NTN1: variants seen among roughly 807,000 people sequenced by gnomAD.
NTN1 encodes netrin-1.
Under a neutral mutation model 54.2 loss-of-function variants are expected in NTN1, and 11 were observed. That is an observed-to-expected ratio of 0.20 (90% CI 0.13 to 0.34). The LOEUF (loss-of-function observed/expected upper bound fraction) is 0.34. Among genes scored for constraint, NTN1 ranks in the 10% least tolerant of loss-of-function variants. NTN1 has a pLI of 1.00. For synonymous variants in NTN1, 371 were observed against 382.0 expected, an observed-to-expected ratio of 0.97 and a Z score of 0.33; for missense variants, 740 against 893.1, an observed-to-expected ratio of 0.83 and a Z score of 2.18.
intron 2 of NTN1, among the ~76,000 whole-genome samples, chr17:9,085,414 C>G (rs1447806894): frequency 6.6e-6 from 1 of 152,212 alleles, no homozygotes; most frequent in Non-Finnish European, 1.5e-5. Flanking sequence ...CATTTCCACT[C>G]ATATTCCATC....
At chr17:9,054,801 G>A (rs773599182) in intron 2 of NTN1, among the ~76,000 whole-genome samples, 10 of 152,098 alleles carry the variant, frequency 6.6e-5, no homozygotes, top group Non-Finnish European at 1.0e-4. Flanking sequence ...GTCCCCAGCC[G>A]GGCAGCACAG....
At position 9,162,877 on chromosome 17, in the gene NTN1, G is replaced by A; in HGVS notation, c.1083G>A (p.Gly361=). Residue 361 remains glycine, a synonymous_variant, in exon 3 of 7, where the codon GGG becomes GGA. Transcript: ENST00000173229. ...ACATGGAGCTCTACAAGCTTTCGGGGCGCAAGAGCGGAGGTGTCTGCCTCA... is the reference window on the plus strand; with the variant it reads ...ACATGGAGCTCTACAAGCTTTCGGGACGCAAGAGCGGAGGTGTCTGCCTCA... ...RFNMELYKLS[G]RKSGGVCLNC... The A allele has an allele frequency of 6.2e-7, 1 of 1,614,116 alleles. No individual in the cohort carries two copies. Among genetic ancestry groups the A allele is most frequent in the South Asian group, 1.1e-5 (1 of 91,090 alleles).
intron 2 of NTN1, among the ~76,000 whole-genome samples, chr17:9,048,352 A>G (rs1489525657): frequency 1.3e-5 from 2 of 151,624 alleles, no homozygotes; most frequent in Admixed American, 6.6e-5. Context: ...AGGTCTCAAC[A>G]GTGGGCTTAA....
intron 3 of NTN1, among the ~76,000 whole-genome samples, chr17:9,167,885 C>T (rs2092377403): frequency 6.6e-6 from 1 of 152,182 alleles, no homozygotes; most frequent in African/African-American, 2.4e-5. Context: ...GTAACTTATG[C>T]TGTGAGTCTC....
chr17:9,063,811 G>A (rs9893567), intron 2 of NTN1, among the ~76,000 whole-genome samples: 113,198 of 151,528 alleles, frequency 0.75, 42,535 homozygotes, highest in East Asian at 1. Context: ...GCCTCCCAAA[G>A]TGCTAGGATT....
intron 2 of NTN1, among the ~76,000 whole-genome samples, chr17:9,100,881 C>T (rs1479884419): frequency 6.6e-6 from 1 of 152,080 alleles, no homozygotes; most frequent in African/African-American, 2.4e-5. Flanking sequence ...AAACTTTCTC[C>T]AGCCAATCTT....
At chr17:9,110,897 TTA>T (rs1163775109) in intron 2 of NTN1, among the ~76,000 whole-genome samples, 1 of 151,876 alleles carries the variant, frequency 6.6e-6, no homozygotes, top group Admixed American at 6.6e-5. Flanking sequence ...CTGCCACCCA[TTA>T]TTGGGTTTAG....
intron 5 of NTN1, among the ~76,000 whole-genome samples, chr17:9,209,770 C>G (rs1463599927): frequency 1.3e-5 from 2 of 152,208 alleles, no homozygotes; most frequent in Non-Finnish European, 2.9e-5. Context: ...CCCATGCTTC[C>G]TCACCTGAAT....
intron 5 of NTN1, among the ~76,000 whole-genome samples, chr17:9,204,288 CT>C (rs367714250): frequency 7.2e-6 from 1 of 139,656 alleles, no homozygotes; most frequent in South Asian, 2.3e-4. Flanking sequence ...TTCTCTATCT[CT>C]TTCTCTCTCT....
intron 2 of NTN1, among the ~76,000 whole-genome samples, chr17:9,141,146 AAAG>A (rs1325789985): frequency 6.6e-6 from 1 of 152,036 alleles, no homozygotes; most frequent in Non-Finnish European, 1.5e-5. Flanking sequence ...TCAGAAGCTC[AAAG>A]AAGATGTGGG....
rs114256207 is a variant in NTN1, at chr17:9,167,497, C to T, written c.1207+4496C>T. 6.1e-3 allele frequency among the ~76,000 whole-genome samples: 923 copies of T among 152,304 alleles called. 10 individuals carry two copies. The highest frequency in any genetic ancestry group is 0.021 in the African/African-American group (875 of 41,562). ...AATTAACCACTGCATCCAGCATCCC[C>T]ATACAAAGGGCTTGCATTTCCATCT... On this transcript the variant is annotated intron_variant, in intron 3 of 6. Coordinates refer to ENST00000173229, the MANE Select transcript of NTN1 (RefSeq NM_004822.3).
At chr17:9,096,049 G>A (rs2092131019) in intron 2 of NTN1, among the ~76,000 whole-genome samples, 1 of 151,940 alleles carries the variant, frequency 6.6e-6, no homozygotes, top group Non-Finnish European at 1.5e-5. Context: ...TGCCCACCTC[G>A]GCCTCCCAAA....
At chr17:9,086,167 AG>A (rs1411606893) in intron 2 of NTN1, among the ~76,000 whole-genome samples, 1 of 152,118 alleles carries the variant, frequency 6.6e-6, no homozygotes, top group Non-Finnish European at 1.5e-5. Flanking sequence ...AAGTGGAAGT[AG>A]GTGTAGGGAG....
At chr17:9,068,423 G>C (rs2092022222) in intron 2 of NTN1, among the ~76,000 whole-genome samples, 1 of 152,082 alleles carries the variant, frequency 6.6e-6, no homozygotes, top group South Asian at 2.1e-4. Flanking sequence ...AGGCTCAAGG[G>C]ATCCTCCTGC....
intron 2 of NTN1, among the ~76,000 whole-genome samples, chr17:9,043,527 T>G (rs2091929845): frequency 6.6e-6 from 1 of 152,138 alleles, no homozygotes; most frequent in Non-Finnish European, 1.5e-5. Context: ...GACTGCTGCT[T>G]ATTTTTAAAT....
intron 2 of NTN1, among the ~76,000 whole-genome samples, chr17:9,142,295 A>C (rs954758213): frequency 5.4e-5 from 7 of 130,338 alleles, no homozygotes; most frequent in African/African-American, 2.6e-4. Context: ...TCTCAAAAAG[A>C]AAAAAAAAAA....
At chr17:9,019,601 C>T (rs985411157), upstream of NTN1, among the ~76,000 whole-genome samples, 6 of 152,218 alleles carry the variant, frequency 3.9e-5, no homozygotes, top group South Asian at 2.1e-4. Flanking sequence ...TGTCAACTCA[C>T]GTGATGCTCA....
intron 2 of NTN1, among the ~76,000 whole-genome samples, chr17:9,132,811 T>C (rs761951657): frequency 4.0e-5 from 6 of 151,884 alleles, no homozygotes; most frequent in Non-Finnish European, 7.4e-5. Context: ...GAGGTGGAGA[T>C]TGTGGTGAGC....
intron 2 of NTN1, among the ~76,000 whole-genome samples, chr17:9,026,389 T>TC (rs934164445): frequency 3.9e-5 from 4 of 103,356 alleles, no homozygotes; most frequent in African/African-American, 1.5e-4. Context: ...TTGGATTTCT[T>TC]CCGGGGGGGG....
Sources: allele counts gnomAD v4.1 joint callset (sites outside exome capture counted in the v4.1 genomes callset), GRCh38; gene constraint gnomAD v4.1.1; transcripts MANE v1.5; gene names NCBI Gene and HGNC (gene_info 2026-07-23, HGNC 2026-07-21).